Variants in DLGAP1 observed in about 807,000 individuals in gnomAD.
DLGAP1 encodes the protein DLG associated protein 1, also known as disks large-associated protein 1.
DLGAP1 carries 11 observed loss-of-function variants against 90.8 expected under a neutral mutation model. That is an observed-to-expected ratio of 0.12 (90% CI 0.08 to 0.20). The LOEUF (loss-of-function observed/expected upper bound fraction) is 0.20, where lower values mean the gene tolerates loss of function less well. DLGAP1 is among the 10% of genes least tolerant of loss of function. The pLI is 1.00. For synonymous variants in DLGAP1, 558 were observed against 540.7 expected (o/e 1.03, Z -0.44); for missense variants, 1,050 against 1,333.8 (o/e 0.79, Z 3.31).
chr18:3,930,021 T>C (rs888194243), intron 3 of DLGAP1, among the ~76,000 whole-genome samples: 1 of 152,210 alleles, frequency 6.6e-6, no homozygotes, highest in Non-Finnish European at 1.5e-5. Context: ...AGGCAGTGTA[T>C]AAGTAAGTGT....
intron 2 of DLGAP1, among the ~76,000 whole-genome samples, chr18:4,150,314 C>A (rs999094046): frequency 3.3e-5 from 5 of 152,184 alleles, no homozygotes; most frequent in African/African-American, 1.2e-4. Flanking sequence ...TTCTTTTTTT[C>A]TCCCTCCAAA....
intron 4 of DLGAP1, among the ~76,000 whole-genome samples, chr18:3,833,628 G>A (rs1348432893): frequency 6.6e-6 from 1 of 151,996 alleles, no homozygotes; most frequent in African/African-American, 2.4e-5. Flanking sequence ...GAGGCATTTG[G>A]GTATCATGAA....
chr18:3,580,288 C>T (rs1247390665), intron 8 of DLGAP1: 114 of 1,610,862 alleles, frequency 7.1e-5, no homozygotes, highest in Non-Finnish European at 8.8e-5. Context: ...CCAGCAATGG[C>T]GCAACTGTCT....
At position 4,084,243 on chromosome 18, in the gene DLGAP1, AC is replaced by A. The variant is rs1422878041; in HGVS notation, c.-159+66936del. ...GCACGCAGTGGTTATAGTAGCATTC[AC>A]GATTTGAATTTGAATCCTGTAGGTT... On this transcript the variant is annotated intron_variant, in intron 2 of 12. Coordinates refer to ENST00000315677, the MANE Select transcript of DLGAP1 (RefSeq NM_004746.4). This position sits in a 1 kb window ranked among gnomAD's most constrained non-coding sequence, Gnocchi z 4.0. 2.0e-5 allele frequency among the ~76,000 whole-genome samples: 3 copies of A among 152,162 alleles called. No individual in the cohort carries two copies. The highest frequency in any genetic ancestry group is 4.4e-5 in the Non-Finnish European group (3 of 68,028).
At chr18:3,941,695 C>T (rs566743497) in intron 3 of DLGAP1, among the ~76,000 whole-genome samples, 229 of 152,194 alleles carry the variant, frequency 1.5e-3, no homozygotes, top group Non-Finnish European at 2.5e-3. Context: ...GGAAAAGGTA[C>T]ATAACATTAT....
intron 3 of DLGAP1, among the ~76,000 whole-genome samples, chr18:3,957,353 C>A (rs1287317563): frequency 6.6e-6 from 1 of 152,190 alleles, no homozygotes; most frequent in African/African-American, 2.4e-5. Context: ...CTGTGGACAC[C>A]TTAACTGACA....
chr18:4,393,500 T>C (rs574267312), intron 1 of DLGAP1, among the ~76,000 whole-genome samples: 4 of 152,344 alleles, frequency 2.6e-5, no homozygotes, highest in African/African-American at 9.6e-5. Context: ...GGTACTTTCT[T>C]CAAGAGGCAT....
intron 1 of DLGAP1, among the ~76,000 whole-genome samples, chr18:4,422,669 A>G (rs1228148148): frequency 6.6e-6 from 1 of 152,084 alleles, no homozygotes; most frequent in Admixed American, 6.5e-5. Flanking sequence ...TTTATTTCCT[A>G]AACATCACAA....
intron 11 of DLGAP1, among the ~76,000 whole-genome samples, chr18:3,504,087 A>G (rs1172938557): frequency 6.6e-6 from 1 of 152,216 alleles, no homozygotes; most frequent in Non-Finnish European, 1.5e-5. Flanking sequence ...CAAGAGCGAC[A>G]TTCTGTCTCA....
intron 7 of DLGAP1, among the ~76,000 whole-genome samples, chr18:3,691,426 CA>C (rs34761241): frequency 0.38 from 46,837 of 123,532 alleles, 9,644 homozygotes; most frequent in African/African-American, 0.64. Flanking sequence ...GACTCTGTCT[CA>C]AAAAAAAAAA....
Position 3,565,032 on chromosome 18 carries a change from C to T in DLGAP1, c.2057+2458G>A, listed in dbSNP as rs533316835. Among the ~76,000 whole-genome samples the T allele has an allele frequency of 5.9e-5, 9 of 152,202 alleles. No homozygotes were observed. The highest frequency in any genetic ancestry group is 2.2e-4 in the African/African-American group (9 of 41,516). On this transcript the variant is annotated intron_variant, in intron 9 of 12. Transcript: ENST00000315677. The surrounding 1 kb of genome is among the most constrained non-coding windows in gnomAD (Gnocchi z 4.0). ...AGATGGGTAGTAATTTGCTTATGGC[C>T]CCTCAGTTAGTAAGGGGCACAGCCA...
At chr18:3,792,742 A>G (rs1175288083) in intron 5 of DLGAP1, among the ~76,000 whole-genome samples, 1 of 152,250 alleles carries the variant, frequency 6.6e-6, no homozygotes, top group East Asian at 1.9e-4. Flanking sequence ...GCCCAGATTG[A>G]GCCTGTGTTA....
intron 5 of DLGAP1, among the ~76,000 whole-genome samples, chr18:3,772,279 CTCTCCTTT>C (rs1391308444): frequency 4.9e-4 from 73 of 148,966 alleles, no homozygotes; most frequent in Non-Finnish European, 8.8e-4. Flanking sequence ...TCCTTCCTTT[CTCTCCTTT>C]TCTCCTTTTC....
intron 1 of DLGAP1, among the ~76,000 whole-genome samples, chr18:4,218,490 T>G (rs192188025): frequency 9.5e-4 from 144 of 152,102 alleles, no homozygotes; most frequent in African/African-American, 3.3e-3. Context: ...ACCTAATCTT[T>G]TAGCAATTTT....
chr18:4,327,917 G>T (rs1051668217), intron 1 of DLGAP1, among the ~76,000 whole-genome samples: 3 of 151,934 alleles, frequency 2.0e-5, no homozygotes, highest in Admixed American at 6.6e-5. Flanking sequence ...ATTATTTTGA[G>T]CTGAAGACAT....
At chr18:3,534,762 G>T in intron 9 of DLGAP1, 147 bp from the exon 10 acceptor site, 1 of 738,390 alleles carries the variant, frequency 1.4e-6, no homozygotes, top group Non-Finnish European at 2.1e-6. Context: ...CGTGATCTCG[G>T]CTCACAGCAA....
intron 1 of DLGAP1, among the ~76,000 whole-genome samples, chr18:4,271,686 GT>G (rs1177335335): frequency 1.3e-5 from 2 of 152,148 alleles, no homozygotes; most frequent in Non-Finnish European, 2.9e-5. Flanking sequence ...TGGTATCAGA[GT>G]TGTGAAAGTT....
chr18:3,898,852 C>G (rs553694332), intron 3 of DLGAP1, among the ~76,000 whole-genome samples: 28 of 151,924 alleles, frequency 1.8e-4, no homozygotes, highest in Non-Finnish European at 2.9e-4. Context: ...CATATATATT[C>G]CAGAGACATG....
chr18:3,777,744 G>T (rs1295988180), intron 5 of DLGAP1, among the ~76,000 whole-genome samples: 1 of 152,174 alleles, frequency 6.6e-6, no homozygotes, highest in Non-Finnish European at 1.5e-5. Context: ...AGCAAGACAA[G>T]AAAAATGTTT....
Sources: gnomAD v4.1 joint callset for allele counts (sites outside exome capture counted in the v4.1 genomes callset) on GRCh38, gnomAD v4.1.1 for gene constraint, Gnocchi (gnomAD v3.1) non-coding constraint, MANE v1.5 for transcripts, NCBI Gene and HGNC (gene_info 2026-07-23, HGNC 2026-07-21) for gene names.